The following NOTO variants were observed in gnomAD, a reference collection of about 807,000 sequenced individuals.
NOTO encodes notochord homeobox, also known as homeobox protein notochord.
NOTO carries 19 observed loss-of-function variants against 20.5 expected under a neutral mutation model. The ratio of observed to expected loss-of-function variants is 0.93; its 90% confidence interval spans 0.65 to 1.36. The LOEUF (loss-of-function observed/expected upper bound fraction) is 1.36, where lower values mean the gene tolerates loss of function less well. Ranked by LOEUF, NOTO falls within the 40% of genes most tolerant of loss-of-function variation. The pLI is 0.00. For missense variants in NOTO, 369 were observed against 336.2 expected (o/e 1.10, Z -0.76); for synonymous variants, 150 against 150.2 (o/e 1.00, Z 0.01).
chr2:73,203,864 G>C (rs1686044913), intron 1 of NOTO, among the ~76,000 whole-genome samples: 1 of 137,600 alleles, frequency 7.3e-6, no homozygotes, highest in Non-Finnish European at 1.5e-5. Context: ...ACTTTGGGAG[G>C]CCGAGACGGG....
Position 73,202,797 on chromosome 2 carries a change from G to A in NOTO, c.131G>A (p.Arg44His), listed in dbSNP as rs2103687160. ...CCGAACACGCCCCGCGCTCCCGGAC[G>A]CTTCGAGTCCCCTTTCTCGGTCGAG... ...TGPNTPRAPG[R>H]FESPFSVEAI... The change falls in exon 1 of 3, where the codon CGC becomes CAC. Residue 44 changes from arginine to histidine, a missense_variant. Physicochemically the swap from Arg to His is conservative, Grantham distance 29 (BLOSUM62 0). Transcript: ENST00000398468. 3 of 1,525,626 alleles carry A rather than the reference G, an allele frequency of 2.0e-6. No individual in the cohort carries two copies. Among genetic ancestry groups the A allele is most frequent in the East Asian group, 2.5e-5 (1 of 39,294 alleles). 94.5% of individuals were successfully genotyped at this position (1,525,626 alleles called of 1,614,324 possible).
Position 73,210,961 on chromosome 2 carries a change from T to C in NOTO, c.*32T>C. 6.5e-7 allele frequency: 1 copy of C among 1,532,444 alleles called. No homozygotes were observed. The highest frequency in any genetic ancestry group is 1.2e-5 in the South Asian group (1 of 81,928). 94.9% of individuals were successfully genotyped at this position (1,532,444 alleles called of 1,614,324 possible). A position where few individuals can be genotyped will look rare whatever the true frequency, so the allele number is the denominator to read the frequency against. On this transcript the variant is annotated 3_prime_UTR_variant, in exon 3 of 3. Transcript: ENST00000398468. ...GGACAGAGGCCCTAGCCAGGCTGCC[T>C]GGACTAGTTCCTCCTGGGGGTACCC...
chr2:73,209,048 G>A (rs1432235919), intron 2 of NOTO, among the ~76,000 whole-genome samples: 1 of 151,778 alleles, frequency 6.6e-6, no homozygotes, highest in Non-Finnish European at 1.5e-5. Context: ...TCAGCTGGGT[G>A]CCTATAATCC....
intron 1 of NOTO, among the ~76,000 whole-genome samples, chr2:73,206,005 G>A (rs1686083926): frequency 1.3e-5 from 2 of 152,148 alleles, no homozygotes; most frequent in African/African-American, 4.8e-5. Context: ...CCAAACTGCT[G>A]GGATTACAGG....
intron 1 of NOTO, among the ~76,000 whole-genome samples, chr2:73,205,162 A>G (rs1451148662): frequency 1.3e-5 from 2 of 151,884 alleles, no homozygotes; most frequent in African/African-American, 4.8e-5. Context: ...TATTTTGCCC[A>G]TATGTATAGT....
At chr2:73,206,155 T>C (rs1686085552) in intron 1 of NOTO, among the ~76,000 whole-genome samples, 1 of 152,240 alleles carries the variant, frequency 6.6e-6, no homozygotes, top group South Asian at 2.1e-4. Flanking sequence ...TTCCTCCATT[T>C]AGATTTTTTT....
At chr2:73,209,449 A>T (rs538697803) in intron 2 of NOTO, among the ~76,000 whole-genome samples, 1 of 150,610 alleles carries the variant, frequency 6.6e-6, no homozygotes, top group African/African-American at 2.5e-5. Context: ...TGCCAGAGCC[A>T]ACAATATGAC....
rs1485658782 is a variant in NOTO at position 73,208,590 on chromosome 2, T to C, written c.573T>C (p.Ala191=). The change falls in exon 2 of 3, where the codon GCT becomes GCC. Residue 191 remains alanine (A), a synonymous_variant. Transcript: ENST00000398468. ...GGAAGAAGAGAGCCCAGCTGGCAGC[T>C]CGGCTCAAACTTACAGAGAACCAGG... The part of the protein sequence containing the change: ...LVGKKRAQLA[A]RLKLTENQVR... 4.5e-6 allele frequency: 7 copies of C among 1,551,130 alleles called. No homozygotes were observed. The highest frequency in any genetic ancestry group is 6.1e-6 in the Non-Finnish European group (7 of 1,146,886).
chr2:73,210,813 C>A lies in NOTO; in HGVS notation c.640C>A (p.Gln214Lys). 5 of 1,551,594 alleles carry A rather than the reference C, an allele frequency of 3.2e-6. No homozygotes were observed. The highest frequency in any genetic ancestry group is 3.5e-6 in the Non-Finnish European group (4 of 1,146,906). Reference sequence around the variant, plus strand: ...GAACCGCAGGGTCAAGTATCAGAAGCAGCAAAAGCTGAGGGCAGCAGTTAC... The same window carrying A: ...GAACCGCAGGGTCAAGTATCAGAAGAAGCAAAAGCTGAGGGCAGCAGTTAC... ...FQNRRVKYQK[Q>K]QKLRAAVTSA... is the part of the protein sequence containing the mutation. Residue 214 changes from glutamine (Q) to lysine (K), a missense_variant, in exon 3 of 3, where the codon CAG becomes AAG. Physicochemically the swap from Gln to Lys is moderately conservative, Grantham distance 53. Transcript: ENST00000398468.
At chr2:73,203,351 A>T (rs191221271) in intron 1 of NOTO, among the ~76,000 whole-genome samples, 54 of 152,064 alleles carry the variant, frequency 3.6e-4, no homozygotes, top group African/African-American at 1.2e-3. Flanking sequence ...CTGCAAGGGG[A>T]CCCAGCCCTG....
At chr2:73,210,431 AC>A (rs1417286747) in intron 2 of NOTO, among the ~76,000 whole-genome samples, 2 of 152,128 alleles carry the variant, frequency 1.3e-5, no homozygotes, top group Admixed American at 1.3e-4. Context: ...CCCTGTTTGT[AC>A]CCCCTTTTGT....
chr2:73,208,002 G>A (rs1396906427), intron 1 of NOTO, among the ~76,000 whole-genome samples: 1 of 152,192 alleles, frequency 6.6e-6, no homozygotes, highest in Non-Finnish European at 1.5e-5. Flanking sequence ...CATTCAAAAA[G>A]TATAATATTT....
At chr2:73,210,634 G>C in intron 2 of NOTO, 137 bp from the exon 3 acceptor site, 1 of 644,750 alleles carries the variant, frequency 1.6e-6, no homozygotes, top group Admixed American at 2.9e-5. Context: ...TTGTAGAAAG[G>C]GGTGTTTTGG....
At chr2:73,208,178 A>C (rs1686115039) in intron 1 of NOTO, among the ~76,000 whole-genome samples, 1 of 152,246 alleles carries the variant, frequency 6.6e-6, no homozygotes, top group Non-Finnish European at 1.5e-5. Context: ...TAGTGGTGGC[A>C]GACAGTCTCA....
chr2:73,206,787 CTTTTT>C lies in NOTO; in HGVS notation c.383-1592_383-1588del, dbSNP rs969908382. On this transcript the variant is annotated intron_variant, in intron 1 of 2. Transcript: ENST00000398468. ...GGCAGAGCTAGGATTCCAACTAGAGCTTTTTTTTTTTTTTTTTTTTTTTTTAAGAC... is the reference window on the plus strand; with the variant it reads ...GGCAGAGCTAGGATTCCAACTAGAGCTTTTTTTTTTTTTTTTTTTTAAGAC... Among the ~76,000 whole-genome samples the C allele has an allele frequency of 1.7e-4, 15 of 89,976 alleles. No individual in the cohort carries two copies. The Admixed American group carries it at 2.0e-3, about 12-fold the overall frequency. 59.0% of individuals were successfully genotyped at this position (89,976 alleles called of 152,430 possible).
In NOTO at chr2:73,210,861, G is replaced by C; in HGVS notation, c.688G>C (p.Asp230His). The part of the protein sequence containing the change: ...AVTSAEAASL[D>H]EPSSSSIASI... ...TACATCTGCCGAGGCTGCCTCCCTGGATGAGCCTTCCAGCAGCTCCATCGC... is the reference window on the plus strand; with the variant it reads ...TACATCTGCCGAGGCTGCCTCCCTGCATGAGCCTTCCAGCAGCTCCATCGC... The change falls in exon 3 of 3, where the codon GAT (aspartate) becomes CAT (histidine). Residue 230 changes from aspartate to histidine, a missense_variant. Physicochemically the swap from Asp to His is moderately conservative, Grantham distance 81. Coordinates refer to ENST00000398468, the MANE Select transcript of NOTO (RefSeq NM_001134462.2). 4 of 1,551,670 alleles carry C rather than the reference G, an allele frequency of 2.6e-6. No individual in the cohort carries two copies. The East Asian group carries it at 9.8e-5, about 38-fold the overall frequency.
At chr2:73,205,562 G>C (rs1421323797) in intron 1 of NOTO, among the ~76,000 whole-genome samples, 1 of 152,128 alleles carries the variant, frequency 6.6e-6, no homozygotes, top group Non-Finnish European at 1.5e-5. Flanking sequence ...CTGTGTATTG[G>C]CCTTTGACTT....
At position 73,208,495 on chromosome 2, in the gene NOTO, C is replaced by T. The variant is rs1412236600; in HGVS notation, c.478C>T (p.Arg160Ter). The change falls in exon 2 of 3, where the codon CGA (arginine) becomes TGA (stop). Residue 160 changes from arginine (R) to a stop codon, truncating the protein, a stop_gained. Coordinates refer to ENST00000398468, the MANE Select transcript of NOTO (RefSeq NM_001134462.2). LOFTEE classifies it high-confidence loss of function. ...CACTGAGAGACAGCAAAAGAGAGTCCGAACTATGTTTAACTTGGAGCAGCT... is the reference window on the plus strand; with the variant it reads ...CACTGAGAGACAGCAAAAGAGAGTCTGAACTATGTTTAACTTGGAGCAGCT... Reference protein sequence around the residue: ...QDTERQQKRVRTMFNLEQLEE... With the variant: ...QDTERQQKRV The T allele has an allele frequency of 1.1e-5, 17 of 1,551,320 alleles. No individual in the cohort carries two copies. The highest frequency in any genetic ancestry group is 7.1e-5 in the South Asian group (6 of 84,036).
At position 73,202,817 on chromosome 2, in the gene NOTO, G is replaced by C; in HGVS notation, c.151G>C (p.Val51Leu). 6.6e-7 allele frequency: 1 copy of C among 1,525,966 alleles called. No individual in the cohort carries two copies. The highest frequency in any genetic ancestry group is 8.8e-7 in the Non-Finnish European group (1 of 1,142,292). The allele number at this position is 1,525,966 out of a possible 1,614,324, so 94.5% of individuals were successfully genotyped here. Residue 51 changes from valine to leucine, a missense_variant, in exon 1 of 3, where the codon GTC becomes CTC. Coordinates refer to ENST00000398468, the MANE Select transcript of NOTO (RefSeq NM_001134462.2). ...CGGACGCTTCGAGTCCCCTTTCTCGGTCGAGGCCATCCTGGCGAGGCCCGA... is the reference window on the plus strand; with the variant it reads ...CGGACGCTTCGAGTCCCCTTTCTCGCTCGAGGCCATCCTGGCGAGGCCCGA... ...APGRFESPFSVEAILARPDPC... is the reference protein window; with the variant it reads ...APGRFESPFSLEAILARPDPC...
Sources: gnomAD v4.1 joint callset for allele counts (sites outside exome capture counted in the v4.1 genomes callset) on GRCh38, gnomAD v4.1.1 for gene constraint, MANE v1.5 for transcripts, NCBI Gene and HGNC (gene_info 2026-07-23, HGNC 2026-07-21) for gene names.